Variants in RPF2 observed in about 807,000 individuals in gnomAD.
RPF2 encodes ribosome production factor 2 homolog.
RPF2 carries 21 observed loss-of-function variants against 38.9 expected under a neutral mutation model. That is an observed-to-expected ratio of 0.54 (90% CI 0.38 to 0.78). The LOEUF (loss-of-function observed/expected upper bound fraction) is 0.78, where lower values mean the gene tolerates loss of function less well. Among genes scored for constraint, RPF2 ranks in the 30% least tolerant of loss-of-function variants. The probability of loss-of-function intolerance (pLI) is 0.00; values close to 1 mark genes in which losing one functional copy is unlikely to be tolerated. For synonymous variants in RPF2, 121 were observed against 126.2 expected (o/e 0.96, Z 0.28); for missense variants, 314 against 358.1 (o/e 0.88, Z 0.99).
intron 5 of RPF2, among the ~76,000 whole-genome samples, chr6:110,999,134 G>A (rs767229931): frequency 2.8e-4 from 42 of 151,946 alleles, no homozygotes; most frequent in African/African-American, 9.4e-4. Context: ...AATGGGAAGC[G>A]TGGTCTCTTC....
intron 6 of RPF2, among the ~76,000 whole-genome samples, chr6:111,006,251 T>TA (rs397976817): frequency 6.6e-5 from 10 of 151,790 alleles, no homozygotes; most frequent in Admixed American, 2.0e-4. Context: ...ATTTTTTTTT[T>TA]ATTGAGATGG....
At chr6:110,993,383 G>A (rs1258532028) in intron 4 of RPF2, among the ~76,000 whole-genome samples, 1 of 151,654 alleles carries the variant, frequency 6.6e-6, no homozygotes, top group Non-Finnish European at 1.5e-5. Context: ...TAATCTTATT[G>A]TAACTAACTG....
At chr6:111,011,839 G>A (rs1218876953) in intron 7 of RPF2, among the ~76,000 whole-genome samples, 1 of 152,112 alleles carries the variant, frequency 6.6e-6, no homozygotes, top group Non-Finnish European at 1.5e-5. Context: ...TAGATGGCAG[G>A]AATGATCACA....
chr6:110,983,905 T>G (rs1583255644), intron 1 of RPF2, among the ~76,000 whole-genome samples: 1 of 151,834 alleles, frequency 6.6e-6, no homozygotes, highest in African/African-American at 2.4e-5. Context: ...GGCGGGCGCC[T>G]GTAGTCCCAG....
Position 111,004,549 on chromosome 6 carries a change from G to T in RPF2, c.394-3489G>T, listed in dbSNP as rs550998344. On this transcript the variant is annotated intron_variant, in intron 6 of 9. Transcript: ENST00000441448. ...AGTGCTGTATGTATTAAGTATTGGG[G>T]TTTTTTTTTTTTTGGAGACAGGGTC... Among the ~76,000 whole-genome samples the T allele has an allele frequency of 6.8e-4, 96 of 141,588 alleles. 1 individual carries two copies. In the South Asian group the frequency reaches 0.011, roughly 17 times the overall value. The allele number at this position is 141,588 out of a possible 152,430, so 92.9% of individuals were successfully genotyped here.
chr6:111,012,283 A>G (rs1240627724), intron 7 of RPF2, among the ~76,000 whole-genome samples: 2 of 148,930 alleles, frequency 1.3e-5, no homozygotes, highest in Non-Finnish European at 3.0e-5. Context: ...CAATCCTCCT[A>G]CCTCATTCCC....
At chr6:110,994,734 T>TATATATATATACACACACACAC (rs1436106936) in intron 4 of RPF2, among the ~76,000 whole-genome samples, 4 of 134,070 alleles carry the variant, frequency 3.0e-5, no homozygotes, top group African/African-American at 1.3e-4. Context: ...TGAGTATATA[T>TATATATATATACACACACACAC]ACACACACAC....
rs773343715 is a variant in RPF2 at position 110,997,195 on chromosome 6, A to G, written c.247A>G (p.Lys83Glu). 7 of 1,594,334 alleles carry G rather than the reference A, an allele frequency of 4.4e-6. No individual in the cohort carries two copies. Among genetic ancestry groups the G allele is most frequent in the Non-Finnish European group, 6.0e-6 (7 of 1,163,886 alleles). Residue 83 changes from lysine to glutamate, a missense_variant, in exon 5 of 10, where the codon AAG becomes GAG. By Grantham distance (56) the Lys-to-Glu change is moderately conservative. Transcript: ENST00000441448. The stretch of plus-strand genomic sequence containing the variant: ...TTTGGTTTTATAGGAATTCTTTTCA[A>G]AGAAGTCAGATTGTTCTTTATTCAT... Reference protein sequence around the residue: ...EDQTSLEFFSKKSDCSLFMFG... With the variant: ...EDQTSLEFFSEKSDCSLFMFG...
intron 9 of RPF2, among the ~76,000 whole-genome samples, chr6:111,024,704 C>CAAAA (rs397737242): frequency 1.1e-5 from 1 of 89,234 alleles, no homozygotes; most frequent in African/African-American, 4.1e-5. Flanking sequence ...CAGAGTGAGC[C>CAAAA]AAAAAAAAAA....
intron 8 of RPF2, among the ~76,000 whole-genome samples, chr6:111,016,413 C>T (rs982556734): frequency 1.3e-4 from 20 of 152,014 alleles, no homozygotes; most frequent in African/African-American, 4.3e-4. Context: ...GCCAACATGA[C>T]GAAACCCCAT....
At chr6:111,021,462 C>T (rs1029659582) in intron 8 of RPF2, among the ~76,000 whole-genome samples, 1 of 152,122 alleles carries the variant, frequency 6.6e-6, no homozygotes, top group African/African-American at 2.4e-5. Flanking sequence ...GCTTAGCTTC[C>T]AGAGGCTGTG....
intron 3 of RPF2, among the ~76,000 whole-genome samples, 199 bp downstream of exon 3, chr6:110,989,264 T>C (rs561995326): frequency 1.3e-5 from 2 of 152,326 alleles, no homozygotes; most frequent in African/African-American, 2.4e-5. Context: ...AACCATAGCA[T>C]ATATATTTTA....
intron 8 of RPF2, among the ~76,000 whole-genome samples, chr6:111,017,438 G>C (rs867043110): frequency 7.0e-5 from 10 of 143,262 alleles, no homozygotes; most frequent in African/African-American, 7.7e-5. Flanking sequence ...CGGATGGGGG[G>C]GCTCCTCACT....
In RPF2 at chr6:110,990,993, CCTGGAA is replaced by C. The variant is rs576085641; in HGVS notation, c.195-753_195-748del. Among the ~76,000 whole-genome samples the C allele has an allele frequency of 3.9e-4, 59 of 152,222 alleles. 3 individuals carry two copies. The East Asian group carries it at 0.01, about 26-fold the overall frequency. On this transcript the variant is annotated intron_variant, in intron 3 of 9. Transcript: ENST00000441448. ...ATCTTGTCTTTTTCCTTACCACAGC[CCTGGAA>C]TAAGCTACAGTCATCCCTCAGTATC...
chr6:111,005,345 A>G (rs565220255), intron 6 of RPF2, among the ~76,000 whole-genome samples: 16 of 152,300 alleles, frequency 1.1e-4, no homozygotes, highest in South Asian at 8.3e-4. Context: ...CAGAGAATTT[A>G]TAGGAAGCTC....
chr6:110,990,118 A>G (rs2114296238), intron 3 of RPF2, among the ~76,000 whole-genome samples: 1 of 151,454 alleles, frequency 6.6e-6, no homozygotes, highest in African/African-American at 2.4e-5. Flanking sequence ...TTGTATTTTT[A>G]GTAGAGACGG....
intron 2 of RPF2, 63 bp from the exon 3 acceptor site, chr6:110,988,965 T>C: frequency 6.4e-7 from 1 of 1,553,354 alleles, no homozygotes; most frequent in Non-Finnish European, 8.7e-7. Flanking sequence ...TTATGATGCT[T>C]TATTTTTATT....
intron 7 of RPF2, among the ~76,000 whole-genome samples, chr6:111,011,828 C>T (rs969032653): frequency 6.6e-6 from 1 of 152,066 alleles, no homozygotes; most frequent in Non-Finnish European, 1.5e-5. Context: ...TGTGCTTCCA[C>T]TAGATGGCAG....
chr6:111,004,865 G>T (rs1311536440), intron 6 of RPF2, among the ~76,000 whole-genome samples: 1 of 152,050 alleles, frequency 6.6e-6, no homozygotes, highest in East Asian at 1.9e-4. Context: ...CACCACGCCC[G>T]GCCAAATATT....
Sources: gnomAD v4.1 joint callset for allele counts (sites outside exome capture counted in the v4.1 genomes callset) on GRCh38, gnomAD v4.1.1 for gene constraint, MANE v1.5 for transcripts, NCBI Gene and HGNC (gene_info 2026-07-23, HGNC 2026-07-21) for gene names.